IGF2BP3: variants seen among roughly 807,000 people sequenced by gnomAD.
IGF2BP3 encodes insulin-like growth factor 2 mRNA-binding protein 3.
Under a neutral mutation model 73.8 loss-of-function variants are expected in IGF2BP3, and 9 were observed. That is an observed-to-expected ratio of 0.12 (90% CI 0.07 to 0.21). The LOEUF (loss-of-function observed/expected upper bound fraction) is 0.21. IGF2BP3 is among the 10% of genes least tolerant of loss of function. The pLI, the probability that IGF2BP3 is intolerant of heterozygous loss-of-function variation, is 1.00. For missense variants in IGF2BP3, 542 were observed against 714.0 expected (o/e 0.76, Z 2.75); for synonymous variants, 258 against 256.7 (o/e 1.01, Z -0.05).
chr7:23,443,441 A>G (rs1040835280), intron 2 of IGF2BP3, among the ~76,000 whole-genome samples: 6 of 151,904 alleles, frequency 3.9e-5, no homozygotes, highest in Non-Finnish European at 8.8e-5. Context: ...TGTATATTTT[A>G]GTAGAGACGG....
At chr7:23,444,099 G>C (rs187654474) in intron 2 of IGF2BP3, among the ~76,000 whole-genome samples, 1 of 152,186 alleles carries the variant, frequency 6.6e-6, no homozygotes, top group African/African-American at 2.4e-5. Flanking sequence ...TTGTGCATAT[G>C]CTATTTAAAA....
chr7:23,423,008 C>A (rs748512913), intron 2 of IGF2BP3, among the ~76,000 whole-genome samples: 1 of 152,240 alleles, frequency 6.6e-6, no homozygotes, highest in Non-Finnish European at 1.5e-5. Context: ...TACCCGATCT[C>A]AAGTGATCTG....
At chr7:23,350,067 G>A (rs1784922703) in intron 6 of IGF2BP3, among the ~76,000 whole-genome samples, 1 of 152,170 alleles carries the variant, frequency 6.6e-6, no homozygotes, top group Admixed American at 6.5e-5. Context: ...GGGAAGGCAG[G>A]ATCAGATGCC....
At chr7:23,422,108 C>G (rs1348832829) in intron 2 of IGF2BP3, among the ~76,000 whole-genome samples, 2 of 152,048 alleles carry the variant, frequency 1.3e-5, no homozygotes, top group African/African-American at 4.8e-5. Flanking sequence ...GTATCTAACA[C>G]AGTAAGGATT....
intron 8 of IGF2BP3, 90 bp from the exon 9 acceptor site, chr7:23,343,943 CTG>C (rs1449434812): frequency 3.6e-5 from 46 of 1,290,392 alleles, no homozygotes; most frequent in Middle Eastern, 1.9e-4. Context: ...TAAAAACAAA[CTG>C]TGGAGCCTGG....
At chr7:23,315,129 A>C (rs1018374292) in intron 12 of IGF2BP3, among the ~76,000 whole-genome samples, 3 of 148,568 alleles carry the variant, frequency 2.0e-5, no homozygotes, top group Non-Finnish European at 4.5e-5. Context: ...TTATTTTTTT[A>C]TTTTATTTTT....
rs541561058 is a variant in IGF2BP3, at chr7:23,361,372, A to G, written c.401+162T>C. 4 of 580,702 alleles carry G rather than the reference A, an allele frequency of 6.9e-6. No homozygotes were observed. In the South Asian group the frequency reaches 8.7e-5, roughly 13 times the overall value. 36.0% of individuals were successfully genotyped at this position (580,702 alleles called of 1,614,324 possible). A position where few individuals can be genotyped will look rare whatever the true frequency, so the allele number is the denominator to read the frequency against. The stretch of plus-strand genomic sequence containing the variant: ...TTTAACCAATGTAGATTTTTACTAG[A>G]CATTCAAACTTAAAAAGAAAGGCAC... On this transcript the variant is annotated intron_variant, in intron 5 of 14. Transcript: ENST00000258729.
chr7:23,394,656 T>C (rs1380142756), intron 3 of IGF2BP3: 1 of 152,226 alleles, frequency 6.6e-6, no homozygotes, highest in Non-Finnish European at 1.5e-5. Flanking sequence ...TGAGAAATTA[T>C]GCAGGCTCCA....
intron 7 of IGF2BP3, 42 bp from the exon 8 acceptor site, chr7:23,346,104 C>T (rs752272872): frequency 1.3e-6 from 2 of 1,578,280 alleles, no homozygotes; most frequent in East Asian, 4.5e-5. Context: ...ATAAGTAAAC[C>T]TATTCGTGGG....
chr7:23,437,041 C>T (rs181685324), intron 2 of IGF2BP3, among the ~76,000 whole-genome samples: 164 of 152,064 alleles, frequency 1.1e-3, no homozygotes, highest in African/African-American at 3.9e-3. Flanking sequence ...ATTGCTTGAA[C>T]CCTGGAGGCA....
At chr7:23,343,151 T>C (rs774053503) in intron 9 of IGF2BP3, among the ~76,000 whole-genome samples, 1 of 152,220 alleles carries the variant, frequency 6.6e-6, no homozygotes, top group Non-Finnish European at 1.5e-5. Flanking sequence ...ACAGATTGTT[T>C]TATCAATTGA....
At chr7:23,446,790 A>G (rs1038414731) in intron 2 of IGF2BP3, among the ~76,000 whole-genome samples, 4 of 152,198 alleles carry the variant, frequency 2.6e-5, no homozygotes, top group African/African-American at 7.2e-5. Context: ...CCTGGCAGAC[A>G]CTACTTAACC....
intron 3 of IGF2BP3, among the ~76,000 whole-genome samples, chr7:23,387,340 G>C (rs1786116157): frequency 6.6e-6 from 1 of 152,144 alleles, no homozygotes; most frequent in African/African-American, 2.4e-5. Flanking sequence ...GGAGAGTTTA[G>C]GAAACTGTCA....
At chr7:23,407,188 A>G (rs1786860353) in intron 3 of IGF2BP3, among the ~76,000 whole-genome samples, 1 of 151,390 alleles carries the variant, frequency 6.6e-6, no homozygotes, top group African/African-American at 2.4e-5. Flanking sequence ...TATTAAAAAA[A>G]AAAAAAAAGA....
At chr7:23,313,714 A>C in intron 12 of IGF2BP3, 61 bp from the exon 13 acceptor site, 1 of 1,558,186 alleles carries the variant, frequency 6.4e-7, no homozygotes, top group Non-Finnish European at 8.7e-7. Context: ...AGGTCAGTTA[A>C]CTTGAAAGAT....
At chr7:23,340,659 A>C (rs1784686056) in intron 10 of IGF2BP3, among the ~76,000 whole-genome samples, 1 of 152,138 alleles carries the variant, frequency 6.6e-6, no homozygotes, top group African/African-American at 2.4e-5. Flanking sequence ...AAGATCCTAG[A>C]ATGTCACATG....
intron 2 of IGF2BP3, among the ~76,000 whole-genome samples, chr7:23,422,926 G>A (rs1787391370): frequency 6.6e-6 from 1 of 152,120 alleles, no homozygotes; most frequent in South Asian, 2.1e-4. Context: ...CTTCCTAGTA[G>A]GTGGGATTAT....
At chr7:23,351,110 T>G (rs754545602) in intron 6 of IGF2BP3, among the ~76,000 whole-genome samples, 195 bp downstream of exon 6, 31 of 152,150 alleles carry the variant, frequency 2.0e-4, no homozygotes, top group Admixed American at 7.9e-4. Flanking sequence ...ACGTTCCCTT[T>G]GAGAATGAGG....
intron 2 of IGF2BP3, among the ~76,000 whole-genome samples, chr7:23,446,631 T>C (rs1788072905): frequency 2.0e-5 from 3 of 152,216 alleles, no homozygotes; most frequent in African/African-American, 7.2e-5. Flanking sequence ...ACAGCCACTA[T>C]AGTAGCAGTG....
Sources: allele counts gnomAD v4.1 joint callset (sites outside exome capture counted in the v4.1 genomes callset), GRCh38; gene constraint gnomAD v4.1.1; transcripts MANE v1.5; gene names NCBI Gene and HGNC (gene_info 2026-07-23, HGNC 2026-07-21).